GPLD1: variants seen among roughly 807,000 people sequenced by gnomAD.
GPLD1 encodes phosphatidylinositol-glycan-specific phospholipase D.
Under a neutral mutation model 112.6 loss-of-function variants are expected in GPLD1, and 84 were observed. The observed-to-expected ratio is 0.75, with a 90% CI of 0.63 to 0.89. The LOEUF is 0.89. Among genes scored for constraint, GPLD1 ranks in the 40% least tolerant of loss-of-function variants. GPLD1 has a pLI of 0.00. For synonymous variants in GPLD1, 386 were observed against 403.8 expected (o/e 0.96, Z 0.53); for missense variants, 1,044 against 1,051.5 (o/e 0.99, Z 0.10).
At chr6:24,488,804 C>T (rs6911210) in intron 1 of GPLD1, among the ~76,000 whole-genome samples, 5,571 of 152,032 alleles carry the variant, frequency 0.037, 143 homozygotes, top group Non-Finnish European at 0.06. Flanking sequence ...TCCCTATATC[C>T]AGGATGACTC....
intron 17 of GPLD1, 52 bp from the exon 18 acceptor site, chr6:24,447,031 T>G: frequency 6.5e-7 from 1 of 1,531,872 alleles, no homozygotes; most frequent in Non-Finnish European, 8.9e-7. Flanking sequence ...AGAGGACTAC[T>G]GGGATGAAAA....
At chr6:24,461,431 A>AG (rs1274969206) in intron 11 of GPLD1, among the ~76,000 whole-genome samples, 2 of 152,214 alleles carry the variant, frequency 1.3e-5, no homozygotes, top group African/African-American at 4.8e-5. Flanking sequence ...CAAAGTGCTA[A>AG]GATCATTCCT....
At position 24,467,214 on chromosome 6, in the gene GPLD1, G is replaced by A; in HGVS notation, c.606C>T (p.Ile202=). The change falls in exon 8 of 25, where the codon ATC becomes ATT. Residue 202 remains isoleucine, a synonymous_variant. Coordinates refer to ENST00000230036, the MANE Select transcript of GPLD1 (RefSeq NM_001503.4). ...IYEKLYGRKV[I]TENVIVDCSH... ...AACAATCAACGATTACATTTTCGGT[G>A]ATGACTTTTCGACCATACAGTTTCT... The A allele has an allele frequency of 1.9e-6, 3 of 1,608,616 alleles. No homozygotes were observed. The highest frequency in any genetic ancestry group is 2.6e-6 in the Non-Finnish European group (3 of 1,175,026).
At chr6:24,488,915 C>T (rs769981322) in intron 1 of GPLD1, among the ~76,000 whole-genome samples, 5 of 152,128 alleles carry the variant, frequency 3.3e-5, no homozygotes, top group Non-Finnish European at 5.9e-5. Flanking sequence ...ACTAAACTCC[C>T]TTACTTTCTT....
At position 24,445,573 on chromosome 6, in the gene GPLD1, C is replaced by T; in HGVS notation, c.1993G>A (p.Val665Met). Residue 665 changes from valine (V) to methionine (M), a missense_variant, in exon 20 of 25, where the codon GTG becomes ATG. Transcript: ENST00000230036. ...TACGTAGGGGCTCCAACCAGCAGCA[C>T]TTGTTTCAGAGTCCCATTCATCAGT... The part of the protein sequence containing the change: ...HVLMNGTLKQ[V>M]LLVGAPTYDD... 1.2e-6 allele frequency: 2 copies of T among 1,613,900 alleles called. No individual in the cohort carries two copies. Among genetic ancestry groups the T allele is most frequent in the Non-Finnish European group, 1.7e-6 (2 of 1,179,802 alleles).
At chr6:24,486,433 G>C (rs1366298193) in intron 1 of GPLD1, among the ~76,000 whole-genome samples, 1 of 152,144 alleles carries the variant, frequency 6.6e-6, no homozygotes, top group African/African-American at 2.4e-5. Context: ...ATGGAAAAGA[G>C]TTTAAAAAAT....
At chr6:24,451,856 G>C (rs1347535015) in intron 14 of GPLD1, among the ~76,000 whole-genome samples, 2 of 152,212 alleles carry the variant, frequency 1.3e-5, no homozygotes, top group African/African-American at 4.8e-5. Flanking sequence ...CGCTAGGGCA[G>C]GGTGGGAACC....
Position 24,445,747 on chromosome 6 carries a change from C to A in GPLD1, c.1905G>T (p.Trp635Cys), listed in dbSNP as rs1182325751. ...YGYFPPNGQS[W>C]FTISGDKAMG... ...ATACCTTGTCTCCAGAAATGGTAAACCAGCTTTGGCCGTTTGGTGGGAAGT... is the reference window on the plus strand; with the variant it reads ...ATACCTTGTCTCCAGAAATGGTAAAACAGCTTTGGCCGTTTGGTGGGAAGT... The change falls in exon 19 of 25, where the codon TGG becomes TGT. Residue 635 changes from tryptophan to cysteine, a missense_variant. Physicochemically the swap from Trp to Cys is radical, Grantham distance 215. Transcript: ENST00000230036. 2 of 1,613,570 alleles carry A rather than the reference C, an allele frequency of 1.2e-6. No individual in the cohort carries two copies. Among genetic ancestry groups the A allele is most frequent in the Non-Finnish European group, 1.7e-6 (2 of 1,179,748 alleles).
chr6:24,437,295 A>T lies in GPLD1; in HGVS notation c.2021-6T>A, dbSNP rs755693131. ...TGCCACCTTAGACACGTCATCTGAAACGAACCACAGTTCCTGCTGGCCTCA... is the reference window on the plus strand; with the variant it reads ...TGCCACCTTAGACACGTCATCTGAATCGAACCACAGTTCCTGCTGGCCTCA... On this transcript the variant is annotated splice_polypyrimidine_tract_variant and splice_region_variant and intron_variant, in intron 20 of 24. Transcript: ENST00000230036. 2.5e-6 allele frequency: 4 copies of T among 1,612,310 alleles called. No individual in the cohort carries two copies. In the Admixed American group the frequency reaches 5.0e-5, roughly 20 times the overall value.
intron 2 of GPLD1, among the ~76,000 whole-genome samples, chr6:24,481,649 C>T (rs1764207603): frequency 6.6e-6 from 1 of 152,104 alleles, no homozygotes; most frequent in Non-Finnish European, 1.5e-5. Context: ...ACACCTTCCC[C>T]AAGACTTCTC....
chr6:24,460,319 G>C lies in GPLD1; in HGVS notation c.968C>G (p.Thr323Ser). 1 of 1,613,140 alleles carries C rather than the reference G, an allele frequency of 6.2e-7. No homozygotes were observed. Among genetic ancestry groups the C allele is most frequent in the Non-Finnish European group, 8.5e-7 (1 of 1,179,138 alleles). ...TACACTAAAGAACACTCCTCTTTCA[G>C]TATAGTTTATATTCCTGTCAACACT... ...TESVDRNINY[T>S]ERGVFFSVNS... is the part of the protein sequence containing the mutation. The change falls in exon 12 of 25, where the codon ACT becomes AGT. Residue 323 changes from threonine (T) to serine (S), a missense_variant. Transcript: ENST00000230036.
chr6:24,483,764 T>A (rs536685190), intron 2 of GPLD1, among the ~76,000 whole-genome samples: 2 of 151,894 alleles, frequency 1.3e-5, no homozygotes, highest in East Asian at 3.9e-4. Context: ...TGTGAACTTA[T>A]GGAGAGTCTC....
intron 18 of GPLD1, among the ~76,000 whole-genome samples, chr6:24,446,400 A>C (rs1201059559): frequency 6.6e-6 from 1 of 151,624 alleles, no homozygotes; most frequent in Admixed American, 6.6e-5. Context: ...AGTCCCAGCT[A>C]TTCAGGAGGC....
upstream of GPLD1, among the ~76,000 whole-genome samples, chr6:24,490,704 A>T (rs577174853): frequency 2.0e-5 from 3 of 151,632 alleles, no homozygotes; most frequent in South Asian, 4.2e-4. Context: ...GTGAGCCGAG[A>T]TTGCACCACT....
chr6:24,482,733 C>T (rs1212367489), intron 2 of GPLD1, among the ~76,000 whole-genome samples: 1 of 151,348 alleles, frequency 6.6e-6, no homozygotes, highest in Non-Finnish European at 1.5e-5. Context: ...ATGAGGTCAG[C>T]GGATCTCTTC....
chr6:24,449,815 C>T lies in GPLD1; in HGVS notation c.1420G>A (p.Val474Met). The T allele has an allele frequency of 3.1e-6, 5 of 1,613,584 alleles. No individual in the cohort carries two copies. The highest frequency in any genetic ancestry group is 3.4e-6 in the Non-Finnish European group (4 of 1,179,640). The change falls in exon 15 of 25, where the codon GTG (valine) becomes ATG (methionine). Residue 474 changes from valine to methionine, a missense_variant. By Grantham distance (21) the Val-to-Met change is conservative (BLOSUM62 1). Transcript: ENST00000230036. ...VPDLAVGAPS[V>M]GSEQLTYKGA... is the part of the protein sequence containing the mutation. Reference sequence around the variant, plus strand: ...TTGTAGGTGAGCTGCTCGGAGCCCACCGAGGGAGCTCCCACGGCCAGGTCA... The same window carrying T: ...TTGTAGGTGAGCTGCTCGGAGCCCATCGAGGGAGCTCCCACGGCCAGGTCA...
rs370516632 is a variant in GPLD1 at position 24,466,942 on chromosome 6, G to A, written c.654-3C>T. On this transcript the variant is annotated splice_region_variant and splice_polypyrimidine_tract_variant and intron_variant, in intron 8 of 24. Coordinates refer to ENST00000230036, the MANE Select transcript of GPLD1 (RefSeq NM_001503.4). ...AAACAGCTAGCATCTCACCATACCT[G>A]CAAAATAAACAATAATTTTGGCTGT... 28 of 1,608,824 alleles carry A rather than the reference G, an allele frequency of 1.7e-5. No individual in the cohort carries two copies. Among genetic ancestry groups the A allele is most frequent in the South Asian group, 3.3e-5 (3 of 90,920 alleles).
rs1762291288 is a variant in GPLD1 at position 24,427,984 on chromosome 6, A to T, written c.*1048T>A. Among the ~76,000 whole-genome samples, 1 of 152,104 alleles carries T rather than the reference A, an allele frequency of 6.6e-6. No homozygotes were observed. Among genetic ancestry groups the T allele is most frequent in the Non-Finnish European group, 1.5e-5 (1 of 68,014 alleles). On this transcript the variant is annotated 3_prime_UTR_variant, in exon 25 of 25. Transcript: ENST00000230036. ...AGAACTTATGAACACAAAACAACAC[A>T]CACTGGGGTCTACTTGAGTGGGGAA...
intron 14 of GPLD1, among the ~76,000 whole-genome samples, chr6:24,452,773 C>CAAA (rs57715891): frequency 0.026 from 3,612 of 136,420 alleles, 62 homozygotes; most frequent in Middle Eastern, 0.05. Context: ...GAGTTTATCT[C>CAAA]AAAAAAAAAA....
Sources: allele counts gnomAD v4.1 joint callset (sites outside exome capture counted in the v4.1 genomes callset), GRCh38; gene constraint gnomAD v4.1.1; transcripts MANE v1.5; gene names NCBI Gene and HGNC (gene_info 2026-07-23, HGNC 2026-07-21).